LDLRAD4: variants seen among roughly 807,000 people sequenced by gnomAD.
LDLRAD4 encodes the protein low density lipoprotein receptor class A domain containing 4, also known as low-density lipoprotein receptor class A domain-containing protein 4.
A neutral mutation model predicts 17.0 loss-of-function variants in LDLRAD4; 5 were observed. That is an observed-to-expected ratio of 0.29 (90% CI 0.15 to 0.62). The LOEUF (loss-of-function observed/expected upper bound fraction) is 0.62, where lower values mean the gene tolerates loss of function less well. LDLRAD4 is among the 20% of genes least tolerant of loss of function. LDLRAD4 has a pLI of 0.84. For synonymous variants in LDLRAD4, 168 were observed against 171.8 expected, an observed-to-expected ratio of 0.98 and a Z score of 0.17; for missense variants, 340 against 424.7, an observed-to-expected ratio of 0.80 and a Z score of 1.75.
intron 3 of LDLRAD4, among the ~76,000 whole-genome samples, chr18:13,467,315 C>G (rs2092650565): frequency 6.6e-6 from 1 of 152,128 alleles, no homozygotes; most frequent in African/African-American, 2.4e-5. Context: ...GGAACAACAT[C>G]AACATGCAAA....
intron 1 of LDLRAD4, among the ~76,000 whole-genome samples, chr18:13,378,913 G>A (rs2085129513): frequency 6.6e-6 from 1 of 152,252 alleles, no homozygotes; most frequent in Non-Finnish European, 1.5e-5. Context: ...ATCAGAACTG[G>A]AAGAGGGTGG....
chr18:13,543,541 T>TC (rs2094316302), intron 3 of LDLRAD4: 1 of 152,250 alleles, frequency 6.6e-6, no homozygotes, highest in Non-Finnish European at 1.5e-5. Flanking sequence ...TGAAGAATAA[T>TC]ACCTTTCTCA....
intron 3 of LDLRAD4, among the ~76,000 whole-genome samples, chr18:13,595,000 G>A (rs3887193): frequency 0.12 from 18,173 of 151,644 alleles, 1,228 homozygotes; most frequent in Non-Finnish European, 0.15. Context: ...TTTTCATTTC[G>A]TACAAGTTAT....
chr18:13,422,130 G>A (rs1012812275), intron 2 of LDLRAD4, among the ~76,000 whole-genome samples: 4 of 152,196 alleles, frequency 2.6e-5, no homozygotes, highest in Non-Finnish European at 5.9e-5. Flanking sequence ...TGTGTTTCTC[G>A]GATTCATTCC....
chr18:13,367,086 A>G lies in LDLRAD4; in HGVS notation c.-382-20255A>G, dbSNP rs1209118442. Among the ~76,000 whole-genome samples the G allele has an allele frequency of 6.6e-6, 1 of 152,164 alleles. No individual in the cohort carries two copies. The highest frequency in any genetic ancestry group is 1.5e-5 in the Non-Finnish European group (1 of 68,028). ...CATCAGGTCAGTTTACTCTTAGGAC[A>G]TTTGCCCACAGCGAGATGCAAACTG... is the stretch of plus-strand genomic sequence containing the variant. On this transcript the variant is annotated intron_variant, in intron 1 of 5. Coordinates refer to ENST00000359446, the Ensembl canonical transcript of LDLRAD4. The surrounding 1 kb of genome is among the most constrained non-coding windows in gnomAD (Gnocchi z 4.1).
In LDLRAD4 at chr18:13,408,464, T is replaced by A. The variant is rs539923231; in HGVS notation, c.40+20702T>A. On this transcript the variant is annotated intron_variant, in intron 2 of 5. Transcript: ENST00000359446. ...AATAGAAGGCACACAGCTTTTTTTTTAAATTTTTTTTATTTTTATTTTTTT... is the reference window on the plus strand; with the variant it reads ...AATAGAAGGCACACAGCTTTTTTTTAAAATTTTTTTTATTTTTATTTTTTT... 9.5e-4 allele frequency among the ~76,000 whole-genome samples: 145 copies of A among 151,846 alleles called. 1 individual carries two copies. The highest frequency in any genetic ancestry group is 2.1e-3 in the Admixed American group (32 of 15,248).
intron 1 of LDLRAD4, among the ~76,000 whole-genome samples, chr18:13,386,863 C>A (rs76281689): frequency 0.015 from 2,206 of 151,986 alleles, 62 homozygotes; most frequent in African/African-American, 0.051. Context: ...GGAGACCAGC[C>A]TGGGCGGCTT....
At chr18:13,371,209 C>G (rs939602447) in intron 1 of LDLRAD4, among the ~76,000 whole-genome samples, 1 of 152,096 alleles carries the variant, frequency 6.6e-6, no homozygotes, top group African/African-American at 2.4e-5. Context: ...CCTCTCACAC[C>G]CAGGCTCCAG....
intron 1 of LDLRAD4, among the ~76,000 whole-genome samples, chr18:13,254,223 G>A (rs2043381171): frequency 6.6e-6 from 1 of 152,250 alleles, no homozygotes; most frequent in South Asian, 2.1e-4. Flanking sequence ...CACAGCCCGA[G>A]GCCCAGGGGA....
chr18:13,565,783 G>T (rs190476366), intron 3 of LDLRAD4, among the ~76,000 whole-genome samples: 3 of 152,368 alleles, frequency 2.0e-5, no homozygotes, highest in African/African-American at 7.2e-5. Flanking sequence ...ATTGGGATTT[G>T]TGTTTTGTAG....
At chr18:13,289,657 A>G (rs948047641) in intron 1 of LDLRAD4, among the ~76,000 whole-genome samples, 4 of 152,180 alleles carry the variant, frequency 2.6e-5, no homozygotes, top group African/African-American at 4.8e-5. Context: ...TGCTAAAATT[A>G]TGGGGCCGTC....
At chr18:13,535,172 T>G (rs2094185805) in intron 3 of LDLRAD4, among the ~76,000 whole-genome samples, 1 of 152,238 alleles carries the variant, frequency 6.6e-6, no homozygotes, top group African/African-American at 2.4e-5. Context: ...GCATATATTT[T>G]CATTTTTCTT....
intron 2 of LDLRAD4, among the ~76,000 whole-genome samples, chr18:13,391,613 A>G (rs2086278436): frequency 6.6e-6 from 1 of 152,260 alleles, no homozygotes; most frequent in African/African-American, 2.4e-5. Flanking sequence ...TATATCAAAA[A>G]TTAATTTTTT....
At chr18:13,640,241 C>T (rs2042420136) in intron 4 of LDLRAD4, among the ~76,000 whole-genome samples, 1 of 134,798 alleles carries the variant, frequency 7.4e-6, no homozygotes, top group African/African-American at 2.8e-5. Flanking sequence ...TGCAGTGAGC[C>T]GAGATCCCGC....
chr18:13,258,828 C>G (rs560015850), intron 1 of LDLRAD4, among the ~76,000 whole-genome samples: 29 of 152,264 alleles, frequency 1.9e-4, no homozygotes, highest in African/African-American at 6.0e-4. Flanking sequence ...TCAAATGGGG[C>G]AGGGGAAGGA....
At chr18:13,504,005 G>T (rs1430901222) in intron 3 of LDLRAD4, among the ~76,000 whole-genome samples, 1 of 152,066 alleles carries the variant, frequency 6.6e-6, no homozygotes, top group African/African-American at 2.4e-5. Flanking sequence ...AACTCATGTA[G>T]TCCTCCTCAC....
intron 3 of LDLRAD4, chr18:13,514,483 A>C (rs2093832682): frequency 6.6e-6 from 1 of 152,234 alleles, no homozygotes; most frequent in Non-Finnish European, 1.5e-5. Context: ...TATCCGAGTC[A>C]GGTGGGCCTC....
At chr18:13,418,452 G>C (rs1236669014) in intron 2 of LDLRAD4, among the ~76,000 whole-genome samples, 1 of 152,208 alleles carries the variant, frequency 6.6e-6, no homozygotes, top group African/African-American at 2.4e-5. Flanking sequence ...GACCCTTAAA[G>C]CTGCATCTCC....
rs185164467 is a variant in LDLRAD4, at chr18:13,286,896, A to G, written c.-383+8708A>G. ...TGTTGGTAGCTGGAATGTGCAGGGC[A>G]GGTGGGGCAGAAGGTGGATTGCAGA... On this transcript the variant is annotated intron_variant, in intron 1 of 5. Transcript: ENST00000359446. Among the ~76,000 whole-genome samples, 991 of 152,278 alleles carry G rather than the reference A, an allele frequency of 6.5e-3. 6 individuals carry two copies. The highest frequency in any genetic ancestry group is 0.011 in the Non-Finnish European group (774 of 68,012).
Sources: gnomAD v4.1 joint callset for allele counts (sites outside exome capture counted in the v4.1 genomes callset) on GRCh38, gnomAD v4.1.1 for gene constraint, Gnocchi (gnomAD v3.1) non-coding constraint, MANE v1.5 for transcripts, NCBI Gene and HGNC (gene_info 2026-07-23, HGNC 2026-07-21) for gene names.